NTN1: variants seen among roughly 807,000 people sequenced by gnomAD.
NTN1 encodes netrin-1.
In NTN1, 11 loss-of-function variants were observed where a neutral mutation model predicts 54.2. That is an observed-to-expected ratio of 0.20 (90% confidence interval 0.13 to 0.34). NTN1 has a LOEUF of 0.34. Among genes scored for constraint, NTN1 ranks in the 10% least tolerant of loss-of-function variants. The pLI is 1.00. For synonymous variants in NTN1, 371 were observed against 382.0 expected (o/e 0.97, Z 0.33); for missense variants, 740 against 893.1 (o/e 0.83, Z 2.18).
At chr17:9,148,451 G>A (rs1210893478) in intron 2 of NTN1, among the ~76,000 whole-genome samples, 2 of 152,104 alleles carry the variant, frequency 1.3e-5, no homozygotes, top group African/African-American at 4.8e-5. Context: ...AAAAAAAACC[G>A]TTGCGTGAAA....
At chr17:9,238,003 C>T (rs1906049275) in intron 6 of NTN1, among the ~76,000 whole-genome samples, 1 of 152,178 alleles carries the variant, frequency 6.6e-6, no homozygotes, top group South Asian at 2.1e-4. Context: ...AAATCCGCTT[C>T]CCTCACCCTG....
At chr17:9,048,231 A>G (rs2091947067) in intron 2 of NTN1, among the ~76,000 whole-genome samples, 1 of 152,212 alleles carries the variant, frequency 6.6e-6, no homozygotes, top group South Asian at 2.1e-4. Context: ...CATGAAAACA[A>G]CATTCATCTC....
At chr17:9,028,824 G>A (rs576743479) in intron 2 of NTN1, among the ~76,000 whole-genome samples, 101 of 152,178 alleles carry the variant, frequency 6.6e-4, no homozygotes, top group African/African-American at 2.1e-3. Context: ...TGGCTTCTAC[G>A]GTGTCTGCAA....
chr17:9,213,740 C>T (rs146048544), intron 5 of NTN1, among the ~76,000 whole-genome samples: 5 of 152,264 alleles, frequency 3.3e-5, no homozygotes, highest in African/African-American at 4.8e-5. Context: ...AGCGTGAAAT[C>T]GATTTGTCCT....
At chr17:9,112,439 G>A (rs1042974708) in intron 2 of NTN1, among the ~76,000 whole-genome samples, 6 of 152,156 alleles carry the variant, frequency 3.9e-5, no homozygotes, top group Non-Finnish European at 8.8e-5. Context: ...TGTTCCCAGC[G>A]AGATTATTTC....
upstream of NTN1, among the ~76,000 whole-genome samples, chr17:9,020,811 C>A (rs1049525322): frequency 2.0e-5 from 3 of 152,308 alleles, no homozygotes; most frequent in South Asian, 2.1e-4. Context: ...AGCTTCCTAC[C>A]CCTTCAGCCT....
rs1191410819 is a variant in NTN1, at chr17:9,242,365, C to T, written c.*2397C>T. ...GATGCCCAGTGTGGTGTGCTGGGCG[C>T]CATCAGCATCACAAGGCACTACGCT... On this transcript the variant is annotated 3_prime_UTR_variant, in exon 7 of 7. Transcript: ENST00000173229. 1 of 152,230 alleles carries T rather than the reference C, an allele frequency of 6.6e-6. No homozygotes were observed. The highest frequency in any genetic ancestry group is 1.5e-5 in the Non-Finnish European group (1 of 68,060). The allele number at this position is 152,230 out of a possible 1,614,324, so 9.4% of individuals were successfully genotyped here.
Position 9,162,962 on chromosome 17 carries a change from G to A in NTN1, c.1168G>A (p.Asp390Asn), listed in dbSNP as rs747583915. The A allele has an allele frequency of 1.9e-6, 3 of 1,613,204 alleles. No individual in the cohort carries two copies. The highest frequency in any genetic ancestry group is 2.2e-5 in the East Asian group (1 of 44,860). Residue 390 changes from aspartate (D) to asparagine (N), a missense_variant, in exon 3 of 7, where the codon GAC becomes AAC. Asp to Asn is a conservative substitution (Grantham distance 23, BLOSUM62 1). Transcript: ENST00000173229. The part of the protein sequence containing the change: ...CHYCKEGYYR[D>N]MGKPITHRKA... ...TTACTGCAAGGAGGGCTACTACCGCGACATGGGCAAGCCCATCACCCACCG... is the reference window on the plus strand; with the variant it reads ...TTACTGCAAGGAGGGCTACTACCGCAACATGGGCAAGCCCATCACCCACCG...
At chr17:9,051,896 A>G (rs2091961535) in intron 2 of NTN1, among the ~76,000 whole-genome samples, 1 of 151,426 alleles carries the variant, frequency 6.6e-6, no homozygotes, top group Admixed American at 6.6e-5. Context: ...TTTTTCATCT[A>G]TGTTTTTGTA....
At chr17:9,004,298 A>G in the NTN1 span, among the ~76,000 whole-genome samples, 109 of 152,330 alleles carry the variant, frequency 7.2e-4, no homozygotes, top group Non-Finnish European at 1.3e-3. Context: ...ACAAGCATAG[A>G]TAGTAGAAAC....
chr17:9,091,454 C>CTTT (rs56181757), intron 2 of NTN1, among the ~76,000 whole-genome samples: 2,782 of 135,328 alleles, frequency 0.021, 57 homozygotes, highest in Non-Finnish European at 0.032. Flanking sequence ...AACCCCCCGC[C>CTTT]TTTTTTTTTT....
In NTN1 at chr17:9,210,905, GAAAAAAAAAAAAAAA is replaced by G. The variant is rs58541910; in HGVS notation, c.1412-10245_1412-10231del. The stretch of plus-strand genomic sequence containing the variant: ...TGGGCTACAGAGTGAGACTCCATCT[GAAAAAAAAAAAAAAA>G]AAAAAAAAAAAAAAAAAGCCTCACC... On this transcript the variant is annotated intron_variant, in intron 5 of 6. Transcript: ENST00000173229. Among the ~76,000 whole-genome samples, 14 of 23,488 alleles carry G rather than the reference GAAAAAAAAAAAAAAA, an allele frequency of 6.0e-4. 1 individual carries two copies. Among genetic ancestry groups the G allele is most frequent in the East Asian group, 3.9e-3 (3 of 774 alleles). The allele number at this position is 23,488 out of a possible 152,430, so 15.4% of individuals were successfully genotyped here.
chr17:9,105,898 C>T (rs9906185), intron 2 of NTN1, among the ~76,000 whole-genome samples: 25,906 of 151,698 alleles, frequency 0.17, 2,801 homozygotes, highest in Non-Finnish European at 0.24. Context: ...AGCAGACACA[C>T]CCTGGTATTC....
intron 2 of NTN1, among the ~76,000 whole-genome samples, chr17:9,160,138 G>T (rs1026817300): frequency 4.6e-5 from 7 of 152,188 alleles, no homozygotes; most frequent in Admixed American, 2.6e-4. Context: ...GTGAGATAGG[G>T]TCTCGCTCTG....
At chr17:9,168,773 G>A (rs1567727238) in intron 3 of NTN1, among the ~76,000 whole-genome samples, 3 of 152,022 alleles carry the variant, frequency 2.0e-5, no homozygotes, top group Admixed American at 6.6e-5. Context: ...TAAAAGCCTC[G>A]GGCACCCTTT....
chr17:9,199,039 A>G (rs1904711536), intron 5 of NTN1, among the ~76,000 whole-genome samples: 1 of 152,176 alleles, frequency 6.6e-6, no homozygotes, highest in Non-Finnish European at 1.5e-5. Context: ...TCCTAATTCA[A>G]ACTCTTTCTC....
chr17:9,042,310 T>C (rs1335592617), intron 2 of NTN1, among the ~76,000 whole-genome samples: 1 of 152,140 alleles, frequency 6.6e-6, no homozygotes, highest in Non-Finnish European at 1.5e-5. Flanking sequence ...TTTTAGATTT[T>C]TATGCCTATA....
In NTN1 at chr17:9,182,316, C is replaced by T. The variant is rs544710952; in HGVS notation, c.1358-600C>T. Among the ~76,000 whole-genome samples the T allele has an allele frequency of 3.3e-5, 5 of 152,330 alleles. No homozygotes were observed. The South Asian group carries it at 8.3e-4, about 25-fold the overall frequency. Reference sequence around the variant, plus strand: ...TATATTAGATAGAGAATAATCAAAACGATCACATGCTTTTATGAGGCCCTT... The same window carrying T: ...TATATTAGATAGAGAATAATCAAAATGATCACATGCTTTTATGAGGCCCTT... On this transcript the variant is annotated intron_variant, in intron 4 of 6. Transcript: ENST00000173229.
chr17:9,114,973 G>A (rs1332373251), intron 2 of NTN1, among the ~76,000 whole-genome samples: 1 of 152,226 alleles, frequency 6.6e-6, no homozygotes, highest in Non-Finnish European at 1.5e-5. Flanking sequence ...GACATGGTGG[G>A]AGGCTTCTGT....
Sources: gnomAD v4.1 joint callset for allele counts (sites outside exome capture counted in the v4.1 genomes callset) on GRCh38, gnomAD v4.1.1 for gene constraint, MANE v1.5 for transcripts, NCBI Gene and HGNC (gene_info 2026-07-23, HGNC 2026-07-21) for gene names.